Variants in KATNAL2 observed in about 807,000 individuals in gnomAD.
The protein encoded by KATNAL2 is katanin p60 ATPase-containing subunit A-like 2.
In KATNAL2, 52 loss-of-function variants were observed where a neutral mutation model predicts 76.3. That is an observed-to-expected ratio of 0.68 (90% CI 0.55 to 0.86). KATNAL2 has a LOEUF of 0.86. KATNAL2 is among the 40% of genes least tolerant of loss of function. The pLI is 0.00. For missense variants in KATNAL2, 660 were observed against 668.9 expected (o/e 0.99, Z 0.15); for synonymous variants, 243 against 244.2 (o/e 1.00, Z 0.05).
At chr18:47,059,213 C>T (rs750095537) in intron 7 of KATNAL2, among the ~76,000 whole-genome samples, 1 of 152,158 alleles carries the variant, frequency 6.6e-6, no homozygotes, top group Admixed American at 6.5e-5. Context: ...TCTCCAAACT[C>T]AGCCACTCCT....
chr18:46,933,515 C>G (rs1049814708), intron 1 of KATNAL2, among the ~76,000 whole-genome samples: 2 of 152,110 alleles, frequency 1.3e-5, no homozygotes, highest in African/African-American at 4.8e-5. Flanking sequence ...ATCAGGAAAT[C>G]TGAAACCCAG....
intron 10 of KATNAL2, 47 bp downstream of exon 10, chr18:47,063,408 C>T (rs774104553): frequency 2.1e-6 from 3 of 1,431,418 alleles, no homozygotes; most frequent in Non-Finnish European, 2.9e-6. Flanking sequence ...CAGGCTGGGG[C>T]TTCTGGAGCT....
At chr18:47,093,957 T>A (rs778940585) in intron 15 of KATNAL2, among the ~76,000 whole-genome samples, 42 of 152,262 alleles carry the variant, frequency 2.8e-4, no homozygotes, top group Non-Finnish European at 5.1e-4. Flanking sequence ...AATGGCATCC[T>A]CTTTGCTGTA....
chr18:47,035,130 C>T (rs1299824423), intron 3 of KATNAL2: 5 of 1,611,574 alleles, frequency 3.1e-6, no homozygotes, highest in Admixed American at 3.3e-5. Flanking sequence ...TTCCAGTCTC[C>T]GCCAGGATGT....
intron 15 of KATNAL2, among the ~76,000 whole-genome samples, chr18:47,084,656 C>T (rs896056391): frequency 1.3e-5 from 2 of 151,530 alleles, no homozygotes; most frequent in Non-Finnish European, 1.5e-5. Context: ...CAAGACCTGC[C>T]TGGCCCACAT....
At chr18:47,031,895 G>T (rs1178402589) in intron 3 of KATNAL2, among the ~76,000 whole-genome samples, 1 of 152,122 alleles carries the variant, frequency 6.6e-6, no homozygotes, top group Admixed American at 6.5e-5. Context: ...TTTCCTGTGT[G>T]TGTGTGTATC....
intron 3 of KATNAL2, chr18:47,033,195 G>A: frequency 6.2e-7 from 1 of 1,614,122 alleles, no homozygotes; most frequent in Non-Finnish European, 8.5e-7. Flanking sequence ...CACCGCCGCT[G>A]CTGCTCTGGC....
At chr18:47,059,472 C>T in intron 7 of KATNAL2, 84 bp from the exon 8 acceptor site, 1 of 920,064 alleles carries the variant, frequency 1.1e-6, no homozygotes, top group Non-Finnish European at 1.8e-6. Context: ...CAGCATCGGA[C>T]TTTGCTTGAT....
chr18:47,095,950 AG>A (rs2063214828), intron 15 of KATNAL2, among the ~76,000 whole-genome samples: 1 of 152,056 alleles, frequency 6.6e-6, no homozygotes, highest in Non-Finnish European at 1.5e-5. Context: ...GTGCCTTGAG[AG>A]GGGGAATGAT....
intron 15 of KATNAL2, chr18:47,098,991 C>G: frequency 5.7e-6 from 2 of 351,710 alleles, no homozygotes; most frequent in Non-Finnish European, 1.0e-5. Flanking sequence ...TTCCATTCAT[C>G]CTTCCTTCCT....
chr18:46,940,241 G>A (rs2146618716), intron 1 of KATNAL2, among the ~76,000 whole-genome samples: 1 of 152,334 alleles, frequency 6.6e-6, no homozygotes, highest in African/African-American at 2.4e-5. Flanking sequence ...CAGTAGAGAT[G>A]AAGTTGGGAA....
chr18:47,059,554 A>C lies in KATNAL2; in HGVS notation c.451-2A>C. On this transcript the variant is annotated splice_acceptor_variant, in intron 7 of 17. Coordinates refer to ENST00000683218, the MANE Select transcript of KATNAL2 (RefSeq NM_001387690.1). LOFTEE classifies it high-confidence loss of function. ...GATGTGTCCTTGTCTCTCTTTCTTC[A>C]GGAGGTAGTTGATAACACTCGCCTG... is the stretch of plus-strand genomic sequence containing the variant. 1 of 1,596,422 alleles carries C rather than the reference A, an allele frequency of 6.3e-7. No individual in the cohort carries two copies. Among genetic ancestry groups the C allele is most frequent in the Non-Finnish European group, 8.6e-7 (1 of 1,164,084 alleles).
chr18:47,054,830 T>C (rs541804710), intron 6 of KATNAL2, among the ~76,000 whole-genome samples: 2 of 152,322 alleles, frequency 1.3e-5, no homozygotes, highest in East Asian at 3.9e-4. Flanking sequence ...CCTCTTTTCA[T>C]CATTTAGTTA....
intron 15 of KATNAL2, among the ~76,000 whole-genome samples, chr18:47,093,635 G>A (rs755852129): frequency 3.5e-4 from 53 of 152,014 alleles, no homozygotes; most frequent in African/African-American, 9.4e-4. Context: ...GGGTTCAAGC[G>A]ATCCTCCCAT....
At chr18:47,092,523 T>TC (rs2063046055) in intron 15 of KATNAL2, among the ~76,000 whole-genome samples, 1 of 152,010 alleles carries the variant, frequency 6.6e-6, no homozygotes, top group African/African-American at 2.4e-5. Flanking sequence ...ATCCCTTCTC[T>TC]CCTTTTTTTC....
chr18:46,939,108 G>A (rs1432846566), intron 1 of KATNAL2, among the ~76,000 whole-genome samples: 1 of 152,066 alleles, frequency 6.6e-6, no homozygotes, highest in Non-Finnish European at 1.5e-5. Flanking sequence ...TTGGGAGGCC[G>A]AGGCGGGCAG....
At chr18:46,952,582 T>G (rs902532307) in intron 3 of KATNAL2, among the ~76,000 whole-genome samples, 1 of 151,948 alleles carries the variant, frequency 6.6e-6, no homozygotes, top group Admixed American at 6.6e-5. Flanking sequence ...GTATTTTTAG[T>G]AGAGACGGAA....
At chr18:47,086,821 C>G (rs1420437595) in intron 15 of KATNAL2, among the ~76,000 whole-genome samples, 1 of 152,222 alleles carries the variant, frequency 6.6e-6, no homozygotes, top group African/African-American at 2.4e-5. Context: ...CACATGATGA[C>G]TAGCAGGAGG....
chr18:46,962,080 C>A (rs545429979), intron 3 of KATNAL2, among the ~76,000 whole-genome samples: 3 of 152,170 alleles, frequency 2.0e-5, no homozygotes, highest in Admixed American at 1.3e-4. Flanking sequence ...GCTGCTGGCA[C>A]TATTTTCAGC....
Sources: allele counts gnomAD v4.1 joint callset (sites outside exome capture counted in the v4.1 genomes callset), GRCh38; gene constraint gnomAD v4.1.1; transcripts MANE v1.5; gene names NCBI Gene and HGNC (gene_info 2026-07-23, HGNC 2026-07-21).